TXLNB: variants seen among roughly 807,000 people sequenced by gnomAD.
TXLNB encodes the protein beta-taxilin.
In TXLNB, 37 loss-of-function variants were observed where a neutral mutation model predicts 57.4. That is an observed-to-expected ratio of 0.64 (90% CI 0.50 to 0.85). The LOEUF is 0.85. Ranked by LOEUF, TXLNB falls within the 40% of genes least tolerant of loss-of-function variation. The pLI is 0.00. For synonymous variants in TXLNB, 302 were observed against 309.6 expected (o/e 0.98, Z 0.26); for missense variants, 848 against 825.6 (o/e 1.03, Z -0.33).
the TXLNB span, among the ~76,000 whole-genome samples, chr6:139,306,999 A>G: frequency 6.6e-6 from 1 of 152,146 alleles, no homozygotes; most frequent in Non-Finnish European, 1.5e-5. Context: ...TAGTATCTCT[A>G]TTTGGATCAT....
intron 7 of TXLNB, among the ~76,000 whole-genome samples, chr6:139,250,271 GGCATGAGC>G (rs1776167100): frequency 6.6e-6 from 1 of 150,946 alleles, no homozygotes; most frequent in Non-Finnish European, 1.5e-5. Context: ...TGGGATTACA[GGCATGAGC>G]CACTGTACCC....
At chr6:139,168,402 AATTG>A in the TXLNB span, among the ~76,000 whole-genome samples, 1 of 138,812 alleles carries the variant, frequency 7.2e-6, no homozygotes, top group East Asian at 1.9e-4. Context: ...TATTAGGGTT[AATTG>A]ATTATTTTGA....
chr6:139,211,521 A>G, the TXLNB span, among the ~76,000 whole-genome samples: 1 of 152,192 alleles, frequency 6.6e-6, no homozygotes, highest in Non-Finnish European at 1.5e-5. Flanking sequence ...AAAACCACAA[A>G]GATGGGGAAA....
At chr6:139,267,734 A>G (rs1326674802) in intron 4 of TXLNB, among the ~76,000 whole-genome samples, 1 of 152,240 alleles carries the variant, frequency 6.6e-6, no homozygotes. Flanking sequence ...TCTTGAAAGA[A>G]TGCACTTTAA....
chr6:139,259,521 G>C (rs1221560290), intron 6 of TXLNB, among the ~76,000 whole-genome samples: 1 of 152,164 alleles, frequency 6.6e-6, no homozygotes, highest in Non-Finnish European at 1.5e-5. Flanking sequence ...ATCTGGCAGG[G>C]CTTAGCTCAA....
the TXLNB span, among the ~76,000 whole-genome samples, chr6:139,220,136 G>A: frequency 6.6e-6 from 1 of 152,168 alleles, no homozygotes; most frequent in African/African-American, 2.4e-5. Context: ...TTATAGAAGA[G>A]ACCTCAGAGA....
chr6:139,176,693 C>A, the TXLNB span, among the ~76,000 whole-genome samples: 3 of 152,122 alleles, frequency 2.0e-5, no homozygotes, highest in Non-Finnish European at 4.4e-5. The surrounding 1 kb of genome is among the most constrained non-coding windows in gnomAD (Gnocchi z 4.5). Flanking sequence ...TAGGGAACTT[C>A]AGTGGAGAGC....
the TXLNB span, among the ~76,000 whole-genome samples, chr6:139,201,084 A>G: frequency 1.3e-5 from 2 of 152,144 alleles, no homozygotes; most frequent in Non-Finnish European, 2.9e-5. Flanking sequence ...TTCACAGGAG[A>G]TAACCTTGCC....
the TXLNB span, among the ~76,000 whole-genome samples, chr6:139,193,241 C>CTTTCTTT: frequency 2.0e-5 from 2 of 101,240 alleles, no homozygotes; most frequent in South Asian, 6.4e-4. Flanking sequence ...CTTTGACCCT[C>CTTTCTTT]TTTTTTTTTT....
chr6:139,189,792 C>T, the TXLNB span, among the ~76,000 whole-genome samples: 2 of 152,068 alleles, frequency 1.3e-5, no homozygotes, highest in African/African-American at 4.8e-5. Context: ...TTGATCTTGT[C>T]GGGTATGAAG....
upstream of TXLNB, among the ~76,000 whole-genome samples, chr6:139,296,204 T>C (rs1777386079): frequency 6.6e-6 from 1 of 152,188 alleles, no homozygotes; most frequent in African/African-American, 2.4e-5. Flanking sequence ...ACATATCCTC[T>C]AGTGGCTTCC....
the TXLNB span, chr6:139,197,772 G>T: frequency 6.6e-6 from 1 of 152,262 alleles, no homozygotes; most frequent in South Asian, 2.1e-4. Flanking sequence ...CTAAGGTTAA[G>T]GCTCCAGCAA....
chr6:139,199,816 T>C, the TXLNB span: 1 of 152,284 alleles, frequency 6.6e-6, no homozygotes, highest in Non-Finnish European at 1.5e-5. Flanking sequence ...GGGGTAAGGC[T>C]TGAGTGGTGG....
downstream of TXLNB, chr6:139,239,945 C>T (rs543220277): frequency 6.6e-6 from 1 of 151,846 alleles, no homozygotes; most frequent in African/African-American, 2.4e-5. This position sits in a 1 kb window ranked among gnomAD's most constrained non-coding sequence, Gnocchi z 4.7. Flanking sequence ...TGACCAAAAA[C>T]TTAATAAACT....
chr6:139,218,428 G>C, the TXLNB span, among the ~76,000 whole-genome samples: 1 of 152,082 alleles, frequency 6.6e-6, no homozygotes, highest in Non-Finnish European at 1.5e-5. Flanking sequence ...GATACTTAGG[G>C]CATCTGCAAA....
chr6:139,311,522 C>T, the TXLNB span, among the ~76,000 whole-genome samples: 1 of 151,264 alleles, frequency 6.6e-6, no homozygotes, highest in African/African-American at 2.4e-5. Flanking sequence ...GGGGGGTGTG[C>T]GTGATTATGA....
chr6:139,315,906 A>G, the TXLNB span, among the ~76,000 whole-genome samples: 5,108 of 152,276 alleles, frequency 0.034, 279 homozygotes, highest in African/African-American at 0.12. Context: ...TTATAAAGAG[A>G]ATTTGGATTA....
the TXLNB span, among the ~76,000 whole-genome samples, chr6:139,188,945 G>A: frequency 2.2e-4 from 34 of 152,164 alleles, no homozygotes; most frequent in African/African-American, 7.9e-4. Context: ...TAGTAGAGAC[G>A]GGGTTTCACA....
the TXLNB span, among the ~76,000 whole-genome samples, chr6:139,230,694 T>C: frequency 6.6e-6 from 1 of 152,208 alleles, no homozygotes; most frequent in East Asian, 1.9e-4. Flanking sequence ...ATTGGGCTGG[T>C]GGTGCATGCA....
Sources: allele counts gnomAD v4.1 joint callset (sites outside exome capture counted in the v4.1 genomes callset), GRCh38; gene constraint gnomAD v4.1.1; non-coding constraint Gnocchi (gnomAD v3.1); transcripts MANE v1.5; gene names NCBI Gene and HGNC (gene_info 2026-07-23, HGNC 2026-07-21).